The following PAM variants were observed in gnomAD, a reference collection of about 807,000 sequenced individuals.
The protein encoded by PAM is peptidyl-glycine alpha-amidating monooxygenase.
PAM carries 72 observed loss-of-function variants against 122.1 expected under a neutral mutation model. The observed-to-expected ratio is 0.59, with a 90% CI of 0.49 to 0.72. The LOEUF is 0.72. Among genes scored for constraint, PAM ranks in the 30% least tolerant of loss-of-function variants. PAM has a pLI of 0.00. For missense variants in PAM, 1,106 were observed against 1,183.7 expected, an observed-to-expected ratio of 0.93 and a Z score of 0.96; for synonymous variants, 389 against 404.4, an observed-to-expected ratio of 0.96 and a Z score of 0.46.
rs73179842 is a variant in PAM, at chr5:103,007,796, G to A, written c.2215+139G>A. On this transcript the variant is annotated intron_variant, in intron 20 of 25. Coordinates refer to ENST00000438793, the MANE Select transcript of PAM (RefSeq NM_001177306.2). ...TTAAAAGTATCTTACAACTGTTAGT[G>A]TGTTCTAACTCAGTTTTGATTAAGG... 6,834 of 617,288 alleles carry A rather than the reference G, an allele frequency of 0.011. 437 individuals carry two copies. The African/African-American group carries it at 0.12, about 11-fold the overall frequency. 38.2% of individuals were successfully genotyped at this position (617,288 alleles called of 1,614,324 possible).
chr5:103,021,190 A>AG (rs1390919650), intron 23 of PAM, among the ~76,000 whole-genome samples: 13 of 152,296 alleles, frequency 8.5e-5, no homozygotes, highest in Admixed American at 3.3e-4. Flanking sequence ...AAGATAGTAC[A>AG]TTTTAGAGTC....
At chr5:102,921,330 T>G (rs900692491) in intron 5 of PAM, among the ~76,000 whole-genome samples, 8 of 152,136 alleles carry the variant, frequency 5.3e-5, no homozygotes, top group Non-Finnish European at 8.8e-5. Context: ...TCCTTTTTTT[T>G]GGGAAGCCAA....
chr5:102,819,979 A>G (rs1421697118), intron 1 of PAM, among the ~76,000 whole-genome samples: 1 of 152,230 alleles, frequency 6.6e-6, no homozygotes, highest in Admixed American at 6.5e-5. Context: ...TACTTTAAGT[A>G]GAGTATGTTC....
chr5:102,855,042 T>C (rs980558862), intron 1 of PAM, among the ~76,000 whole-genome samples: 1 of 152,192 alleles, frequency 6.6e-6, no homozygotes, highest in South Asian at 2.1e-4. Flanking sequence ...TATTTTAGCC[T>C]CTCTGCCCTA....
chr5:102,905,105 G>T (rs887916109), intron 4 of PAM, among the ~76,000 whole-genome samples: 21 of 151,368 alleles, frequency 1.4e-4, no homozygotes, highest in Middle Eastern at 6.8e-3. Context: ...TGTTTTTTTT[G>T]TTGTTTTAAT....
At chr5:102,892,641 A>C (rs1795065290) in intron 3 of PAM, among the ~76,000 whole-genome samples, 1 of 151,900 alleles carries the variant, frequency 6.6e-6, no homozygotes, top group African/African-American at 2.4e-5. Flanking sequence ...CTTTTTAAAA[A>C]TCATTGTACC....
chr5:103,027,332 T>C (rs1162634472), intron 24 of PAM, among the ~76,000 whole-genome samples: 1 of 152,216 alleles, frequency 6.6e-6, no homozygotes, highest in East Asian at 1.9e-4. Context: ...TCCACATCAC[T>C]GTCTTCTCCC....
chr5:102,758,992 A>G (rs953237169), intron 1 of PAM, among the ~76,000 whole-genome samples: 1 of 152,208 alleles, frequency 6.6e-6, no homozygotes, highest in Non-Finnish European at 1.5e-5. Context: ...CCCACACTAA[A>G]CGTTTGGCTT....
At chr5:102,981,536 C>T (rs1318692749) in intron 15 of PAM, among the ~76,000 whole-genome samples, 1 of 150,630 alleles carries the variant, frequency 6.6e-6, no homozygotes, top group Non-Finnish European at 1.5e-5. Context: ...CAAGTAGAGA[C>T]TAAAACATAG....
At chr5:103,010,668 A>G (rs1027378419) in intron 21 of PAM, among the ~76,000 whole-genome samples, 2 of 152,230 alleles carry the variant, frequency 1.3e-5, no homozygotes, top group African/African-American at 4.8e-5. Context: ...CAGCTACTGA[A>G]CCAAGTTTAT....
At chr5:102,948,514 A>AT (rs1310506204) in intron 9 of PAM, 69 bp downstream of exon 9, 6 of 741,910 alleles carry the variant, frequency 8.1e-6, no homozygotes, top group South Asian at 1.7e-5. Context: ...TTTATACTGT[A>AT]TTTTTTATAA....
At position 103,006,909 on chromosome 5, in the gene PAM, G is replaced by A; in HGVS notation, c.1912G>A (p.Val638Met). The A allele has an allele frequency of 6.2e-7, 1 of 1,613,722 alleles. No homozygotes were observed. The highest frequency in any genetic ancestry group is 8.5e-7 in the Non-Finnish European group (1 of 1,179,622). The change falls in exon 19 of 26, where the codon GTG becomes ATG. Residue 638 changes from valine (V) to methionine (M), a missense_variant. Transcript: ENST00000438793. ...NHFCQPTDVAVDPGTGAIYVS... is the reference protein window; with the variant it reads ...NHFCQPTDVAMDPGTGAIYVS... ...CTTCTGTCAACCCACTGATGTGGCTGTGGATCCAGGCACTGGAGCCATTTA... is the reference window on the plus strand; with the variant it reads ...CTTCTGTCAACCCACTGATGTGGCTATGGATCCAGGCACTGGAGCCATTTA...
At chr5:102,936,203 G>A (rs1372638194) in intron 7 of PAM, among the ~76,000 whole-genome samples, 18 of 152,124 alleles carry the variant, frequency 1.2e-4, no homozygotes, top group Non-Finnish European at 1.5e-5. Context: ...CTTGAAATTG[G>A]CTGTGGTGGG....
chr5:102,801,506 C>A (rs546665666), intron 1 of PAM, among the ~76,000 whole-genome samples: 2 of 152,160 alleles, frequency 1.3e-5, no homozygotes, highest in Non-Finnish European at 2.9e-5. Context: ...AACTGACTGG[C>A]TGATTAATTT....
intron 1 of PAM, among the ~76,000 whole-genome samples, chr5:102,766,163 C>G (rs1210916432): frequency 6.6e-6 from 1 of 152,138 alleles, no homozygotes. Flanking sequence ...GACAGTTTTT[C>G]CATGGACTGG....
At chr5:102,932,748 A>G (rs1165386538) in intron 7 of PAM, among the ~76,000 whole-genome samples, 2 of 152,012 alleles carry the variant, frequency 1.3e-5, no homozygotes. Flanking sequence ...TGTGCCTGAC[A>G]CAGAACAGAT....
intron 1 of PAM, among the ~76,000 whole-genome samples, chr5:102,851,559 A>G (rs1781357046): frequency 6.6e-6 from 1 of 152,234 alleles, no homozygotes; most frequent in Admixed American, 6.5e-5. Context: ...TTTGATTAAG[A>G]TAAAGCTTAC....
chr5:102,855,101 A>G (rs774499665), intron 1 of PAM, among the ~76,000 whole-genome samples: 1 of 152,170 alleles, frequency 6.6e-6, no homozygotes, highest in Non-Finnish European at 1.5e-5. Flanking sequence ...TTCTTTTGTT[A>G]ATGACTTCCA....
chr5:102,879,577 T>C (rs1252213970), intron 3 of PAM, among the ~76,000 whole-genome samples: 1 of 152,092 alleles, frequency 6.6e-6, no homozygotes, highest in Non-Finnish European at 1.5e-5. Context: ...CCCCCTTTGC[T>C]GTATTCTCCT....
Sources: gnomAD v4.1 joint callset for allele counts (sites outside exome capture counted in the v4.1 genomes callset) on GRCh38, gnomAD v4.1.1 for gene constraint, MANE v1.5 for transcripts, NCBI Gene and HGNC (gene_info 2026-07-23, HGNC 2026-07-21) for gene names.